Variants in ZNF804B observed in about 807,000 individuals in gnomAD.
ZNF804B encodes zinc finger 804B.
Under a neutral mutation model 101.4 loss-of-function variants are expected in ZNF804B, and 80 were observed. The observed-to-expected ratio is 0.79, with a 90% CI of 0.66 to 0.95. The LOEUF (loss-of-function observed/expected upper bound fraction) is 0.95, where lower values mean the gene tolerates loss of function less well. Among genes scored for constraint, ZNF804B ranks in the 40% least tolerant of loss-of-function variants. ZNF804B has a pLI of 0.00. For synonymous variants in ZNF804B, 622 were observed against 558.8 expected, an observed-to-expected ratio of 1.11 and a Z score of -1.59; for missense variants, 1,673 against 1,561.9, an observed-to-expected ratio of 1.07 and a Z score of -1.20.
intron 1 of ZNF804B, among the ~76,000 whole-genome samples, chr7:89,035,715 A>T (rs1788915081): frequency 6.6e-6 from 1 of 151,662 alleles, no homozygotes. Context: ...AATGAGCCAA[A>T]AAAAATGGGT....
intron 1 of ZNF804B, among the ~76,000 whole-genome samples, chr7:88,858,699 G>C (rs868610810): frequency 1.1e-4 from 16 of 152,212 alleles, no homozygotes; most frequent in African/African-American, 3.4e-4. Context: ...TATATTTATA[G>C]TAATATTGAG....
intron 1 of ZNF804B, among the ~76,000 whole-genome samples, chr7:89,012,295 A>G (rs1353583591): frequency 6.6e-6 from 1 of 152,030 alleles, no homozygotes; most frequent in Non-Finnish European, 1.5e-5. Context: ...TGCCGTGAAG[A>G]CTTCTGCCGT....
chr7:88,977,144 G>A (rs1317046130), intron 1 of ZNF804B, among the ~76,000 whole-genome samples: 1 of 151,318 alleles, frequency 6.6e-6, no homozygotes, highest in African/African-American at 2.4e-5. Context: ...CTAGTATTTT[G>A]TAGAGGATTT....
intron 1 of ZNF804B, among the ~76,000 whole-genome samples, chr7:88,984,708 T>C (rs76990241): frequency 0.01 from 1,543 of 152,210 alleles, 23 homozygotes; most frequent in African/African-American, 0.034. Context: ...AAATACATTT[T>C]CTCTATGACA....
At chr7:88,892,149 T>G (rs1792223287) in intron 1 of ZNF804B, among the ~76,000 whole-genome samples, 1 of 151,534 alleles carries the variant, frequency 6.6e-6, no homozygotes, top group Admixed American at 6.6e-5. Context: ...TTAATTTTGA[T>G]GCTACAAATT....
Position 89,334,836 on chromosome 7 carries a change from A to G in ZNF804B, c.1854A>G (p.Leu618=). The part of the protein sequence containing the change: ...AHWQGCRKAV[L]NDIDEDLSFP... ...GGCAAGGCTGCAGAAAGGCAGTTCT[A>G]AATGATATAGATGAGGACCTATCTT... The change falls in exon 4 of 4, where the codon CTA becomes CTG. Residue 618 remains leucine (L), a synonymous_variant. Coordinates refer to ENST00000333190, the MANE Select transcript of ZNF804B (RefSeq NM_181646.5). 1 of 1,613,868 alleles carries G rather than the reference A, an allele frequency of 6.2e-7. No individual in the cohort carries two copies. The highest frequency in any genetic ancestry group is 8.5e-7 in the Non-Finnish European group (1 of 1,179,882).
At chr7:89,257,646 T>A (rs1789654750) in intron 2 of ZNF804B, among the ~76,000 whole-genome samples, 1 of 152,196 alleles carries the variant, frequency 6.6e-6, no homozygotes, top group African/African-American at 2.4e-5. Flanking sequence ...AAGGGATACA[T>A]GTGCAGGTTT....
At chr7:89,109,723 C>G (rs764578154) in intron 1 of ZNF804B, among the ~76,000 whole-genome samples, 1 of 152,156 alleles carries the variant, frequency 6.6e-6, no homozygotes, top group African/African-American at 2.4e-5. Flanking sequence ...TCATTCTACT[C>G]TCTTTTTCAA....
intron 1 of ZNF804B, among the ~76,000 whole-genome samples, chr7:88,969,812 A>G (rs1310267698): frequency 6.6e-6 from 1 of 151,582 alleles, no homozygotes; most frequent in African/African-American, 2.4e-5. Flanking sequence ...TTTTCTTCCA[A>G]TTTTTGAAAC....
chr7:88,774,056 G>A (rs1790108423), intron 1 of ZNF804B, among the ~76,000 whole-genome samples: 1 of 152,024 alleles, frequency 6.6e-6, no homozygotes. Context: ...CATCTGAAAT[G>A]GATGGACTGA....
At chr7:88,856,356 C>G (rs966705470) in intron 1 of ZNF804B, among the ~76,000 whole-genome samples, 3 of 152,110 alleles carry the variant, frequency 2.0e-5, no homozygotes, top group Admixed American at 2.0e-4. Flanking sequence ...GTATTTTATT[C>G]TCTTTGAAGC....
chr7:88,831,665 A>T (rs1045644694), intron 1 of ZNF804B, among the ~76,000 whole-genome samples: 1 of 151,936 alleles, frequency 6.6e-6, no homozygotes, highest in Non-Finnish European at 1.5e-5. Flanking sequence ...GAGATTATTT[A>T]AAAAATTATC....
chr7:89,123,574 G>A (rs1790435628), intron 1 of ZNF804B, among the ~76,000 whole-genome samples: 1 of 152,168 alleles, frequency 6.6e-6, no homozygotes, highest in Admixed American at 6.5e-5. Flanking sequence ...CCCTTAAGAG[G>A]TAAATTTATT....
chr7:88,958,464 AT>A (rs1317195255), intron 1 of ZNF804B, among the ~76,000 whole-genome samples: 1 of 151,476 alleles, frequency 6.6e-6, no homozygotes, highest in East Asian at 2.0e-4. Flanking sequence ...GTGGCAAGTA[AT>A]AATAGCTAGG....
intron 2 of ZNF804B, among the ~76,000 whole-genome samples, chr7:89,253,768 A>G (rs887911449): frequency 6.6e-6 from 1 of 152,122 alleles, no homozygotes; most frequent in Non-Finnish European, 1.5e-5. Context: ...AGATACAAAA[A>G]TAGTAAATAC....
In ZNF804B at chr7:89,265,303, C is replaced by CGCGCGCATGT. The variant is rs1554386431; in HGVS notation, c.249+47015_249+47016insTGTGCGCGCA. Among the ~76,000 whole-genome samples the CGCGCGCATGT allele has an allele frequency of 1.6e-3, 219 of 135,990 alleles. 1 individual carries two copies. Among genetic ancestry groups the CGCGCGCATGT allele is most frequent in the African/African-American group, 5.2e-3 (207 of 39,794 alleles). 89.2% of individuals were successfully genotyped at this position (135,990 alleles called of 152,430 possible). On this transcript the variant is annotated intron_variant, in intron 2 of 3. Coordinates refer to ENST00000333190, the MANE Select transcript of ZNF804B (RefSeq NM_181646.5). ...GTGTGTGTGTGTGTGTGCGCGTGCG[C>CGCGCGCATGT]GCGCGCACACATGCACGTGCACAGG...
intron 1 of ZNF804B, among the ~76,000 whole-genome samples, chr7:89,140,488 G>A (rs1790701054): frequency 6.6e-6 from 1 of 152,062 alleles, no homozygotes. Flanking sequence ...TTGAAAATGT[G>A]TTGTTTAATG....
chr7:88,903,448 A>G lies in ZNF804B; in HGVS notation c.108+143364A>G, dbSNP rs1792421910. ...ATGTGTCTTTTTGGTGTAACAATTTATTTTCCTTTGGGTATATACCCAGTA... is the reference window on the plus strand; with the variant it reads ...ATGTGTCTTTTTGGTGTAACAATTTGTTTTCCTTTGGGTATATACCCAGTA... On this transcript the variant is annotated intron_variant, in intron 1 of 3. Transcript: ENST00000333190. Among the ~76,000 whole-genome samples, 4 of 152,042 alleles carry G rather than the reference A, an allele frequency of 2.6e-5. No individual in the cohort carries two copies. The South Asian group carries it at 8.3e-4, about 32-fold the overall frequency.
chr7:89,208,081 GGT>G (rs1562916151), intron 1 of ZNF804B, among the ~76,000 whole-genome samples: 6 of 135,442 alleles, frequency 4.4e-5, no homozygotes, highest in Non-Finnish European at 6.4e-5. Flanking sequence ...TATTTTATTG[GGT>G]TTTTTTTTTT....
Sources: allele counts gnomAD v4.1 joint callset (sites outside exome capture counted in the v4.1 genomes callset), GRCh38; gene constraint gnomAD v4.1.1; transcripts MANE v1.5; gene names NCBI Gene and HGNC (gene_info 2026-07-23, HGNC 2026-07-21).